PHACTR1: variants seen among roughly 807,000 people sequenced by gnomAD.
The protein encoded by PHACTR1 is RPEL repeat containing 1.
A neutral mutation model predicts 69.2 loss-of-function variants in PHACTR1; 16 were observed. The observed-to-expected ratio is 0.23, with a 90% confidence interval of 0.16 to 0.35. The LOEUF (loss-of-function observed/expected upper bound fraction) is 0.35. PHACTR1 is among the 10% of genes least tolerant of loss of function. The probability of loss-of-function intolerance (pLI) is 1.00; values close to 1 mark genes in which losing one functional copy is unlikely to be tolerated. For missense variants in PHACTR1, 510 were observed against 734.7 expected (o/e 0.69, Z 3.54); for synonymous variants, 312 against 284.5 (o/e 1.10, Z -0.97).
At chr6:13,134,529 A>C (rs927876510) in intron 5 of PHACTR1, among the ~76,000 whole-genome samples, 13 of 152,020 alleles carry the variant, frequency 8.6e-5, no homozygotes, top group Middle Eastern at 3.2e-3. Flanking sequence ...TGCTGTGTCC[A>C]CTCAGGGTTA....
intron 4 of PHACTR1, among the ~76,000 whole-genome samples, chr6:12,961,064 T>C (rs1013496479): frequency 6.6e-6 from 1 of 152,146 alleles, no homozygotes; most frequent in African/African-American, 2.4e-5. Flanking sequence ...GGATCCACAG[T>C]TGCAGGGAAA....
chr6:12,784,472 C>G (rs1771258546), intron 4 of PHACTR1, among the ~76,000 whole-genome samples: 1 of 150,950 alleles, frequency 6.6e-6, no homozygotes, highest in African/African-American at 2.5e-5. Context: ...ACACACATGT[C>G]TATACACATA....
chr6:13,167,463 T>C (rs4715132), intron 6 of PHACTR1, among the ~76,000 whole-genome samples: 34,145 of 152,132 alleles, frequency 0.22, 4,835 homozygotes, highest in East Asian at 0.43. Flanking sequence ...AATGACATTT[T>C]CCCTGCATGT....
chr6:12,905,070 G>A (rs769497831), intron 4 of PHACTR1, among the ~76,000 whole-genome samples: 2 of 152,246 alleles, frequency 1.3e-5, no homozygotes, highest in African/African-American at 2.4e-5. Context: ...TGCACTGAAC[G>A]TCAAAATCAC....
chr6:13,196,420 C>CTT (rs1554153704), intron 7 of PHACTR1: 19 of 136,566 alleles, frequency 1.4e-4, no homozygotes, highest in South Asian at 1.0e-3. Context: ...GGTTTTCTTT[C>CTT]TTTTTTTTTT....
chr6:13,246,417 G>A lies in PHACTR1; in HGVS notation c.1391+16224G>A, dbSNP rs1303393117. On this transcript the variant is annotated intron_variant, in intron 10 of 14. Transcript: ENST00000332995. This position sits in a 1 kb window ranked among gnomAD's most constrained non-coding sequence, Gnocchi z 4.2. ...GCGAAAGATGTTTCCCTACCTGGAT[G>A]GCTGATGGTTCATTACAGCTGAGCA... Among the ~76,000 whole-genome samples, 1 of 150,876 alleles carries A rather than the reference G, an allele frequency of 6.6e-6. No homozygotes were observed. The highest frequency in any genetic ancestry group is 1.5e-5 in the Non-Finnish European group (1 of 67,956).
chr6:13,035,803 G>A (rs1330386164), intron 4 of PHACTR1, among the ~76,000 whole-genome samples: 1 of 152,152 alleles, frequency 6.6e-6, no homozygotes, highest in African/African-American at 2.4e-5. Flanking sequence ...GTCAGTGATA[G>A]CCTTGGGGAG....
At chr6:12,850,968 A>G (rs1779768322) in intron 4 of PHACTR1, among the ~76,000 whole-genome samples, 1 of 152,178 alleles carries the variant, frequency 6.6e-6, no homozygotes, top group Admixed American at 6.5e-5. Context: ...GGACTTCAAT[A>G]TGTCTTCTTG....
chr6:13,215,899 C>T (rs1263739541), intron 8 of PHACTR1, among the ~76,000 whole-genome samples: 1 of 152,154 alleles, frequency 6.6e-6, no homozygotes, highest in East Asian at 1.9e-4. Context: ...GTTCCAGAGT[C>T]GTCTTGAACT....
At chr6:12,847,066 G>A (rs969145428) in intron 4 of PHACTR1, among the ~76,000 whole-genome samples, 6 of 151,932 alleles carry the variant, frequency 3.9e-5, no homozygotes, top group Non-Finnish European at 5.9e-5. Context: ...ATCTGGCCGC[G>A]TTGGCCTCCC....
chr6:12,953,560 G>A (rs1317332423), intron 4 of PHACTR1, among the ~76,000 whole-genome samples: 1 of 152,134 alleles, frequency 6.6e-6, no homozygotes, highest in Non-Finnish European at 1.5e-5. Flanking sequence ...GTCTAAACAG[G>A]TGTTTATAAG....
intron 5 of PHACTR1, among the ~76,000 whole-genome samples, chr6:13,137,014 A>G (rs1041980642): frequency 6.6e-6 from 1 of 152,256 alleles, no homozygotes; most frequent in African/African-American, 2.4e-5. Flanking sequence ...CAAAGTAAGC[A>G]CATGCTGTTG....
At chr6:12,922,905 C>A (rs1313231479) in intron 4 of PHACTR1, among the ~76,000 whole-genome samples, 1 of 152,122 alleles carries the variant, frequency 6.6e-6, no homozygotes, top group Non-Finnish European at 1.5e-5. Flanking sequence ...CTCCCACAAC[C>A]CACCCTATTC....
At chr6:13,182,157 C>T (rs550759225) in intron 6 of PHACTR1, among the ~76,000 whole-genome samples, 59 of 152,200 alleles carry the variant, frequency 3.9e-4, no homozygotes, top group African/African-American at 1.2e-3. Context: ...CGCTTGAACC[C>T]GGGAGGCGGA....
intron 4 of PHACTR1, among the ~76,000 whole-genome samples, chr6:13,007,976 A>G (rs972536507): frequency 4.6e-5 from 7 of 152,240 alleles, no homozygotes; most frequent in African/African-American, 1.7e-4. Context: ...TCAGGGAAAC[A>G]AACCTCAGCT....
At chr6:12,741,276 C>T (rs764195989) in intron 3 of PHACTR1, among the ~76,000 whole-genome samples, 61 of 151,880 alleles carry the variant, frequency 4.0e-4, no homozygotes, top group African/African-American at 1.2e-3. Context: ...GTGATTTTTA[C>T]GCCCTGCTTA....
At chr6:13,091,037 A>T (rs755386157) in intron 5 of PHACTR1, among the ~76,000 whole-genome samples, 10 of 151,840 alleles carry the variant, frequency 6.6e-5, no homozygotes, top group Non-Finnish European at 1.3e-4. Context: ...TGGGGTGCAG[A>T]ATTTCACTCT....
chr6:13,277,160 T>G (rs1311622542), intron 11 of PHACTR1, among the ~76,000 whole-genome samples: 1 of 152,228 alleles, frequency 6.6e-6, no homozygotes, highest in Non-Finnish European at 1.5e-5. Flanking sequence ...GGTCATCCAG[T>G]TAGCTTAAAA....
chr6:13,016,164 A>G (rs1451880933), intron 4 of PHACTR1, among the ~76,000 whole-genome samples: 1 of 152,240 alleles, frequency 6.6e-6, no homozygotes, highest in East Asian at 1.9e-4. Flanking sequence ...TTGCAATTTG[A>G]GTCATATTTT....
Sources: allele counts gnomAD v4.1 joint callset (sites outside exome capture counted in the v4.1 genomes callset), GRCh38; gene constraint gnomAD v4.1.1; non-coding constraint Gnocchi (gnomAD v3.1); transcripts MANE v1.5; gene names NCBI Gene and HGNC (gene_info 2026-07-23, HGNC 2026-07-21).